Variants in CGNL1 observed in about 807,000 individuals in gnomAD.
CGNL1 encodes cingulin like 1, also known as cingulin-like protein 1.
Under a neutral mutation model 141.2 loss-of-function variants are expected in CGNL1, and 132 were observed. The ratio of observed to expected loss-of-function variants is 0.93; its 90% CI spans 0.81 to 1.08. The LOEUF (loss-of-function observed/expected upper bound fraction) is 1.08. CGNL1 is among the 50% of genes least tolerant of loss of function. The pLI is 0.00. For missense variants in CGNL1, 1,870 were observed against 1,588.6 expected, an observed-to-expected ratio of 1.18 and a Z score of -3.01; for synonymous variants, 690 against 622.1, an observed-to-expected ratio of 1.11 and a Z score of -1.63.
intron 1 of CGNL1, among the ~76,000 whole-genome samples, chr15:57,384,237 G>A (rs114628649): frequency 1.3e-3 from 201 of 152,224 alleles, no homozygotes; most frequent in African/African-American, 4.6e-3. Flanking sequence ...GCTGGATGGG[G>A]TACAAAAGAG....
intron 8 of CGNL1, among the ~76,000 whole-genome samples, chr15:57,499,664 T>G (rs1342269042): frequency 1.3e-5 from 2 of 152,232 alleles, no homozygotes; most frequent in African/African-American, 4.8e-5. Flanking sequence ...GCAAATCTTT[T>G]TTCAAAGAAT....
At position 57,443,937 on chromosome 15, in the gene CGNL1, T is replaced by A. The variant is rs142060712; in HGVS notation, c.1803+1459T>A. Among the ~76,000 whole-genome samples the A allele has an allele frequency of 1.3e-3, 201 of 152,334 alleles. 4 individuals are homozygous for A. The highest frequency in any genetic ancestry group is 5.8e-4 in the East Asian group (3 of 5,194). The stretch of plus-strand genomic sequence containing the variant: ...ACAGATGAGTCTTCAACAAATATCC[T>A]TTTTATATTGTTTTATTGGGGTATA... On this transcript the variant is annotated intron_variant, in intron 4 of 18. Coordinates refer to ENST00000281282, the MANE Select transcript of CGNL1 (RefSeq NM_032866.5).
chr15:57,439,826 A>G (rs2063162693), intron 2 of CGNL1, among the ~76,000 whole-genome samples: 1 of 152,136 alleles, frequency 6.6e-6, no homozygotes, highest in Admixed American at 6.5e-5. Context: ...TCCCATTGTG[A>G]TCTCTCTGTA....
At chr15:57,523,166 A>C (rs28379960) in intron 10 of CGNL1, among the ~76,000 whole-genome samples, 12,553 of 152,248 alleles carry the variant, frequency 0.082, 1,111 homozygotes, top group African/African-American at 0.23. Context: ...CTCGAATTTC[A>C]AGCATGAACA....
intron 8 of CGNL1, among the ~76,000 whole-genome samples, chr15:57,498,732 A>T (rs2063979476): frequency 6.6e-6 from 1 of 152,134 alleles, no homozygotes; most frequent in Non-Finnish European, 1.5e-5. Context: ...TTGTGTGGTC[A>T]GGGACCATTT....
At chr15:57,394,350 C>T (rs1417704659) in intron 1 of CGNL1, among the ~76,000 whole-genome samples, 1 of 152,006 alleles carries the variant, frequency 6.6e-6, no homozygotes, top group Non-Finnish European at 1.5e-5. Flanking sequence ...CTCTCGAACT[C>T]CCGACTTCAG....
intron 18 of CGNL1, among the ~76,000 whole-genome samples, chr15:57,546,583 C>T (rs989694318): frequency 1.3e-5 from 2 of 152,090 alleles, no homozygotes; most frequent in Non-Finnish European, 2.9e-5. Flanking sequence ...TTTTTTCTGA[C>T]TTAGGGAGAA....
intron 1 of CGNL1, among the ~76,000 whole-genome samples, chr15:57,393,164 C>T (rs1484981839): frequency 1.3e-5 from 2 of 152,172 alleles, no homozygotes; most frequent in Non-Finnish European, 2.9e-5. Context: ...GTTTGATGCT[C>T]ATAAATCAAA....
At position 57,511,220 on chromosome 15, in the gene CGNL1, T is replaced by G. The variant is rs117838331; in HGVS notation, c.2404-5560T>G. Among the ~76,000 whole-genome samples, 1,141 of 152,336 alleles carry G rather than the reference T, an allele frequency of 7.5e-3. 12 individuals carry two copies. The highest frequency in any genetic ancestry group is 0.011 in the Non-Finnish European group (766 of 68,040). The stretch of plus-strand genomic sequence containing the variant: ...GTCAGTCATTGTTACCAGTTTCTCA[T>G]GTAGCCAACTAAAAACATCTTTATC... On this transcript the variant is annotated intron_variant, in intron 8 of 18. Coordinates refer to ENST00000281282, the MANE Select transcript of CGNL1 (RefSeq NM_032866.5).
chr15:57,529,819 G>C (rs143568635), intron 13 of CGNL1, among the ~76,000 whole-genome samples: 1 of 152,148 alleles, frequency 6.6e-6, no homozygotes, highest in South Asian at 2.1e-4. Flanking sequence ...TTTTCAAAAC[G>C]TCCAGGGGAC....
In CGNL1 at chr15:57,498,527, TTTTG is replaced by T. The variant is rs574439448; in HGVS notation, c.2404-18241_2404-18238del. Among the ~76,000 whole-genome samples the T allele has an allele frequency of 3.3e-3, 508 of 152,266 alleles. 2 individuals are homozygous for T. Among genetic ancestry groups the T allele is most frequent in the Non-Finnish European group, 5.6e-3 (384 of 68,028 alleles). On this transcript the variant is annotated intron_variant, in intron 8 of 18. Coordinates refer to ENST00000281282, the MANE Select transcript of CGNL1 (RefSeq NM_032866.5). ...ACCTGTTTTTGTTTGTTTATTTGTTTTTTGTTTGTTTGTTTTTTCTTTTTTTGAG... is the reference window on the plus strand; with the variant it reads ...ACCTGTTTTTGTTTGTTTATTTGTTTTTTGTTTGTTTTTTCTTTTTTTGAG...
In CGNL1 at chr15:57,452,237, T is replaced by A. The variant is rs1431373789; in HGVS notation, c.2002T>A (p.Leu668Met). Residue 668 changes from leucine to methionine, a missense_variant, in exon 6 of 19, where the codon TTG becomes ATG. Leu to Met is a conservative substitution (Grantham distance 15). Transcript: ENST00000281282. ...HNEKVEENST[L>M]QQRLEESEGE... ...CGAAAAGGTGGAGGAGAACTCCACATTGCAGCAACGACTGGAAGAAAGTGA... is the reference window on the plus strand; with the variant it reads ...CGAAAAGGTGGAGGAGAACTCCACAATGCAGCAACGACTGGAAGAAAGTGA... 7.4e-6 allele frequency: 12 copies of A among 1,614,024 alleles called. No individual in the cohort carries two copies. The highest frequency in any genetic ancestry group is 1.0e-5 in the Non-Finnish European group (12 of 1,179,954).
At chr15:57,488,175 T>G (rs1241190415) in intron 8 of CGNL1, among the ~76,000 whole-genome samples, 1 of 152,224 alleles carries the variant, frequency 6.6e-6, no homozygotes, top group Non-Finnish European at 1.5e-5. Flanking sequence ...TCTTTTCATG[T>G]GCTTATTGGC....
chr15:57,460,006 G>T (rs1433725546), intron 7 of CGNL1, among the ~76,000 whole-genome samples: 1 of 152,062 alleles, frequency 6.6e-6, no homozygotes, highest in South Asian at 2.1e-4. Context: ...TTAATAGTTG[G>T]AAAAACAAAA....
At chr15:57,526,652 G>A (rs1341393288) in intron 12 of CGNL1, among the ~76,000 whole-genome samples, 2 of 147,586 alleles carry the variant, frequency 1.4e-5, no homozygotes, top group African/African-American at 5.4e-5. Flanking sequence ...ATCTCTTTTA[G>A]CAAAGGGTGA....
intron 8 of CGNL1, among the ~76,000 whole-genome samples, chr15:57,476,459 T>G (rs2063658715): frequency 6.6e-6 from 1 of 152,248 alleles, no homozygotes; most frequent in African/African-American, 2.4e-5. Context: ...CATGTATTTA[T>G]TCATTCAACA....
intron 1 of CGNL1, among the ~76,000 whole-genome samples, chr15:57,386,594 C>G (rs1297835765): frequency 6.6e-6 from 1 of 152,166 alleles, no homozygotes; most frequent in African/African-American, 2.4e-5. Flanking sequence ...ACAGGCTGCT[C>G]TGTGTACAAC....
chr15:57,501,422 A>G (rs970903709), intron 8 of CGNL1, among the ~76,000 whole-genome samples: 3 of 152,250 alleles, frequency 2.0e-5, no homozygotes, highest in Admixed American at 6.5e-5. Flanking sequence ...CTGAGCACTC[A>G]GAAAATCTAG....
chr15:57,418,933 CTT>C (rs1555432553), intron 1 of CGNL1, among the ~76,000 whole-genome samples: 1 of 145,672 alleles, frequency 6.9e-6, no homozygotes. Context: ...TGCCTGGTGC[CTT>C]TTTTTTTTTT....
Sources: gnomAD v4.1 joint callset for allele counts (sites outside exome capture counted in the v4.1 genomes callset) on GRCh38, gnomAD v4.1.1 for gene constraint, MANE v1.5 for transcripts, NCBI Gene and HGNC (gene_info 2026-07-23, HGNC 2026-07-21) for gene names.